The following DTNA variants were observed in gnomAD, a reference collection of about 807,000 sequenced individuals.
DTNA encodes the protein dystrophin-related protein 3.
Under a neutral mutation model 100.7 loss-of-function variants are expected in DTNA, and 43 were observed. The observed-to-expected ratio is 0.43, with a 90% CI of 0.33 to 0.55. The LOEUF (loss-of-function observed/expected upper bound fraction) is 0.55, where lower values mean the gene tolerates loss of function less well. Among genes scored for constraint, DTNA ranks in the 20% least tolerant of loss-of-function variants. The probability of loss-of-function intolerance (pLI) is 0.04; values close to 1 mark genes in which losing one functional copy is unlikely to be tolerated. For missense variants in DTNA, 798 were observed against 953.9 expected (o/e 0.84, Z 2.15); for synonymous variants, 349 against 347.9 (o/e 1.00, Z -0.04).
intron 9 of DTNA, among the ~76,000 whole-genome samples, chr18:34,827,109 T>C (rs1045432460): frequency 1.3e-5 from 2 of 152,180 alleles, no homozygotes; most frequent in African/African-American, 4.8e-5. Flanking sequence ...AGGTATGATA[T>C]GATTTTACAG....
chr18:34,794,096 C>G lies in DTNA; in HGVS notation c.208C>G (p.Leu70Val), dbSNP rs1217201972. Residue 70 changes from leucine (L) to valine (V), a missense_variant, in exon 4 of 23, where the codon CTG becomes GTG. Transcript: ENST00000444659. ...ATTGCGGGAAAATGCTCTGAACAAC[C>G]TGGACCCAAACACTGAACTCAACGT... is the stretch of plus-strand genomic sequence containing the variant. Reference protein sequence around the residue: ...EALRENALNNLDPNTELNVSR... With the variant: ...EALRENALNNVDPNTELNVSR... The G allele has an allele frequency of 6.2e-7, 1 of 1,614,146 alleles. No homozygotes were observed. Among genetic ancestry groups the G allele is most frequent in the East Asian group, 2.2e-5 (1 of 44,872 alleles).
intron 1 of DTNA, among the ~76,000 whole-genome samples, chr18:34,665,442 C>T (rs2075781889): frequency 6.6e-6 from 1 of 152,074 alleles, no homozygotes; most frequent in Non-Finnish European, 1.5e-5. Context: ...TTTTATTACA[C>T]TTTAAGTTCT....
chr18:34,601,899 A>G (rs1464396610), intron 1 of DTNA, among the ~76,000 whole-genome samples: 1 of 152,226 alleles, frequency 6.6e-6, no homozygotes, highest in African/African-American at 2.4e-5. Flanking sequence ...CAGAATGCAG[A>G]AAGTAAATGT....
chr18:34,878,934 C>T (rs2096845293), intron 19 of DTNA, among the ~76,000 whole-genome samples: 1 of 152,102 alleles, frequency 6.6e-6, no homozygotes, highest in Non-Finnish European at 1.5e-5. Context: ...TTTCTTAAAG[C>T]CTCTCAATTG....
intron 18 of DTNA, 65 bp downstream of exon 18, chr18:34,875,463 G>A (rs1363467952): frequency 1.9e-6 from 3 of 1,605,994 alleles, no homozygotes; most frequent in African/African-American, 2.7e-5. Flanking sequence ...AAGGTCTATT[G>A]AGTGGTCAAG....
At chr18:34,717,383 A>T (rs1165404575) in intron 1 of DTNA, among the ~76,000 whole-genome samples, 1 of 152,180 alleles carries the variant, frequency 6.6e-6, no homozygotes, top group African/African-American at 2.4e-5. Flanking sequence ...CTAAATTCGG[A>T]TGATATAGAT....
chr18:34,534,777 A>G (rs1413663273), intron 1 of DTNA, among the ~76,000 whole-genome samples: 1 of 152,108 alleles, frequency 6.6e-6, no homozygotes, highest in Admixed American at 6.6e-5. Context: ...TTTGCTGAGA[A>G]TGATGGTTTC....
rs571023189 is a variant in DTNA, at chr18:34,850,803, A to T, written c.1435-1028A>T. Reference sequence around the variant, plus strand: ...CAACACCAAATAAATCCTTGACTAAATATACATAAACATACACAAACAGAT... The same window carrying T: ...CAACACCAAATAAATCCTTGACTAATTATACATAAACATACACAAACAGAT... On this transcript the variant is annotated intron_variant, in intron 14 of 22. Coordinates refer to ENST00000444659, the MANE Select transcript of DTNA (RefSeq NM_001386795.1). Among the ~76,000 whole-genome samples, 4 of 152,358 alleles carry T rather than the reference A, an allele frequency of 2.6e-5. No homozygotes were observed. The East Asian group carries it at 7.7e-4, about 29-fold the overall frequency.
At chr18:34,814,287 TTTAG>T (rs1185170858) in intron 6 of DTNA, among the ~76,000 whole-genome samples, 2 of 152,194 alleles carry the variant, frequency 1.3e-5, no homozygotes, top group African/African-American at 2.4e-5. Flanking sequence ...ATTCTTGAAT[TTTAG>T]TTAGTGTATT....
chr18:34,677,785 T>C (rs2077572751), intron 1 of DTNA, among the ~76,000 whole-genome samples: 1 of 152,162 alleles, frequency 6.6e-6, no homozygotes, highest in Non-Finnish European at 1.5e-5. Context: ...AGAAGATGTA[T>C]ATGCCTAGAA....
chr18:34,668,294 C>T (rs1383382429), intron 1 of DTNA, among the ~76,000 whole-genome samples: 12 of 151,982 alleles, frequency 7.9e-5, no homozygotes, highest in Admixed American at 2.6e-4. Flanking sequence ...TTTTTTATTG[C>T]GTCTATTTGA....
intron 1 of DTNA, among the ~76,000 whole-genome samples, chr18:34,583,508 G>C (rs976325208): frequency 2.0e-5 from 3 of 151,054 alleles, no homozygotes; most frequent in Non-Finnish European, 4.4e-5. Context: ...CTGCTATAAT[G>C]ACAACTAAAA....
rs1399443700 is a variant in DTNA at position 34,786,741 on chromosome 18, T to A, written c.149-7296T>A. Among the ~76,000 whole-genome samples, 4 of 152,340 alleles carry A rather than the reference T, an allele frequency of 2.6e-5. No homozygotes were observed. The East Asian group carries it at 7.7e-4, about 29-fold the overall frequency. On this transcript the variant is annotated intron_variant, in intron 3 of 22. Coordinates refer to ENST00000444659, the MANE Select transcript of DTNA (RefSeq NM_001386795.1). ...GCATAACTACAATTTCCTGTTCTCC[T>A]AATTAAAGCACATCATAATGCAATG...
At chr18:34,817,586 A>C (rs2095623648) in intron 7 of DTNA, among the ~76,000 whole-genome samples, 1 of 152,108 alleles carries the variant, frequency 6.6e-6, no homozygotes, top group South Asian at 2.1e-4. Context: ...GGAAAGAAAA[A>C]AAAATCTGTT....
At chr18:34,536,631 A>C (rs145620179) in intron 1 of DTNA, among the ~76,000 whole-genome samples, 2 of 152,012 alleles carry the variant, frequency 1.3e-5, no homozygotes, top group East Asian at 1.9e-4. Flanking sequence ...GACATCCTCT[A>C]TATTTTCTTA....
intron 1 of DTNA, among the ~76,000 whole-genome samples, chr18:34,715,549 C>A (rs556819385): frequency 1.3e-5 from 2 of 152,082 alleles, no homozygotes; most frequent in South Asian, 2.1e-4. Flanking sequence ...TTTGGTGGAA[C>A]ATTTACTCAG....
At chr18:34,692,735 C>T (rs1371216695) in intron 1 of DTNA, among the ~76,000 whole-genome samples, 2 of 152,118 alleles carry the variant, frequency 1.3e-5, no homozygotes, top group South Asian at 2.1e-4. Context: ...AAATCTTCTT[C>T]GTTGATGTGC....
chr18:34,661,242 A>G (rs918562019), intron 1 of DTNA, among the ~76,000 whole-genome samples: 1 of 152,348 alleles, frequency 6.6e-6, no homozygotes, highest in East Asian at 1.9e-4. Context: ...ACTATTAAAT[A>G]CTTAAAACAG....
chr18:34,554,664 T>A (rs1158785137), intron 1 of DTNA, among the ~76,000 whole-genome samples: 1 of 150,026 alleles, frequency 6.7e-6, no homozygotes, highest in Non-Finnish European at 1.5e-5. Context: ...TCTGTTTATA[T>A]GCTGGATTAC....
Sources: allele counts gnomAD v4.1 joint callset (sites outside exome capture counted in the v4.1 genomes callset), GRCh38; gene constraint gnomAD v4.1.1; transcripts MANE v1.5; gene names NCBI Gene and HGNC (gene_info 2026-07-23, HGNC 2026-07-21).